The following PCDHA5 variants were observed in gnomAD, a reference collection of about 807,000 sequenced individuals.
PCDHA5 encodes protocadherin alpha 5.
A neutral mutation model predicts 61.6 loss-of-function variants in PCDHA5; 43 were observed. The ratio of observed to expected loss-of-function variants is 0.70; its 90% CI spans 0.55 to 0.90. PCDHA5 has a LOEUF of 0.90. PCDHA5 is among the 40% of genes least tolerant of loss of function. PCDHA5 has a pLI of 0.00. For synonymous variants in PCDHA5, 627 were observed against 543.9 expected, an observed-to-expected ratio of 1.15 and a Z score of -2.13; for missense variants, 1,298 against 1,222.7, an observed-to-expected ratio of 1.06 and a Z score of -0.92.
At position 141,010,354 on chromosome 5, in the gene PCDHA5, C is replaced by A. The variant is rs1359778786; in HGVS notation, c.*417C>A. On this transcript the variant is annotated 3_prime_UTR_variant, in exon 4 of 4. Coordinates refer to ENST00000529859, the MANE Select transcript of PCDHA5 (RefSeq NM_018908.3). ...GTTTGTGGCCACTGGGTATGTGTGG[C>A]TACCGCGGGTATGCGAGTGCCAGAT... The A allele has an allele frequency of 2.0e-6, 3 of 1,506,078 alleles. No homozygotes were observed. The highest frequency in any genetic ancestry group is 4.4e-5 in the Admixed American group (2 of 45,166). 93.3% of individuals were successfully genotyped at this position (1,506,078 alleles called of 1,614,324 possible).
intron 1 of PCDHA5, among the ~76,000 whole-genome samples, chr5:140,886,671 C>A (rs1411583056): frequency 6.6e-6 from 1 of 151,634 alleles, no homozygotes; most frequent in East Asian, 1.9e-4. Context: ...ACTAAAAATA[C>A]AAAAATTAGC....
At chr5:140,877,980 T>C in intron 1 of PCDHA5, 1 of 1,219,572 alleles carries the variant, frequency 8.2e-7, no homozygotes. Flanking sequence ...TTCTTACTCA[T>C]TTTGAACTTT....
At chr5:140,909,360 T>C (rs2074454382) in intron 1 of PCDHA5, among the ~76,000 whole-genome samples, 1 of 152,222 alleles carries the variant, frequency 6.6e-6, no homozygotes, top group South Asian at 2.1e-4. Flanking sequence ...ATGTGTTAAT[T>C]TGTTCAAGCA....
intron 1 of PCDHA5, among the ~76,000 whole-genome samples, chr5:140,923,323 C>T (rs1554201408): frequency 6.6e-6 from 1 of 152,092 alleles, no homozygotes; most frequent in Non-Finnish European, 1.5e-5. Context: ...CCTAGAAGTT[C>T]AAGGACAGTT....
chr5:140,868,810 G>A lies in PCDHA5; in HGVS notation c.2352+44683G>A, dbSNP rs944762063. On this transcript the variant is annotated intron_variant, in intron 1 of 3. Transcript: ENST00000529859. Reference sequence around the variant, plus strand: ...GAATATTCCATAAATAAGCACGTTGGAAATATTTGGGGGAAGAAACCCAAA... The same window carrying A: ...GAATATTCCATAAATAAGCACGTTGAAAATATTTGGGGGAAGAAACCCAAA... 1.0e-4 allele frequency: 38 copies of A among 369,934 alleles called. No homozygotes were observed. The Admixed American group carries it at 1.3e-3, about 12-fold the overall frequency. The allele number at this position is 369,934 out of a possible 1,614,324, so 22.9% of individuals were successfully genotyped here.
chr5:140,866,633 G>A (rs900221819), intron 1 of PCDHA5: 71 of 152,170 alleles, frequency 4.7e-4, no homozygotes, highest in African/African-American at 1.6e-3. Flanking sequence ...TTCTGACAAC[G>A]GTGTCAAAAT....
intron 3 of PCDHA5, among the ~76,000 whole-genome samples, chr5:141,001,011 A>G (rs912284389): frequency 3.9e-5 from 6 of 152,206 alleles, no homozygotes; most frequent in African/African-American, 1.4e-4. Context: ...ATGTATTTAG[A>G]TATACACTTA....
Position 141,009,469 on chromosome 5 carries a change from A to G in PCDHA5, c.2501-158A>G, listed in dbSNP as rs1440766583. On this transcript the variant is annotated intron_variant, in intron 3 of 3. Transcript: ENST00000529859. Reference sequence around the variant, plus strand: ...AAAAAAATTAAACAAATAAATAAATAAGTAAACACTTGCCTTGCCCTCAGA... The same window carrying G: ...AAAAAAATTAAACAAATAAATAAATGAGTAAACACTTGCCTTGCCCTCAGA... 6 of 956,242 alleles carry G rather than the reference A, an allele frequency of 6.3e-6. No homozygotes were observed. The African/African-American group carries it at 7.1e-5, about 11-fold the overall frequency. 59.2% of individuals were successfully genotyped at this position (956,242 alleles called of 1,614,324 possible). A position where few individuals can be genotyped will look rare whatever the true frequency, so the allele number is the denominator to read the frequency against.
At chr5:140,908,185 G>C (rs1399259532) in intron 1 of PCDHA5, among the ~76,000 whole-genome samples, 1 of 152,148 alleles carries the variant, frequency 6.6e-6, no homozygotes, top group East Asian at 1.9e-4. Flanking sequence ...TCCACTTTCA[G>C]GTGGTGGACA....
intron 2 of PCDHA5, among the ~76,000 whole-genome samples, chr5:140,981,521 C>T (rs894639773): frequency 1.3e-5 from 2 of 152,208 alleles, no homozygotes; most frequent in South Asian, 4.1e-4. Flanking sequence ...TTGCAGTGAG[C>T]TGAGATCGTG....
chr5:140,877,325 C>G lies in PCDHA5; in HGVS notation c.2352+53198C>G. 1.2e-6 allele frequency: 2 copies of G among 1,613,974 alleles called. No individual in the cohort carries two copies. Among genetic ancestry groups the G allele is most frequent in the Non-Finnish European group, 1.7e-6 (2 of 1,179,864 alleles). The stretch of plus-strand genomic sequence containing the variant: ...GAGTTGCAACCGGCGGCGGTCGGCG[C>G]GCACATCCCGTTCCACGTGGGGCTG... On this transcript the variant is annotated intron_variant, in intron 1 of 3. Transcript: ENST00000529859.
chr5:140,874,587 T>A (rs1221042797), intron 1 of PCDHA5, among the ~76,000 whole-genome samples: 1 of 152,256 alleles, frequency 6.6e-6, no homozygotes, highest in Admixed American at 6.5e-5. Flanking sequence ...TGCTTTGGGA[T>A]AGTGTGAAAT....
At chr5:140,852,956 C>G (rs2042556592) in intron 1 of PCDHA5, 1 of 438,466 alleles carries the variant, frequency 2.3e-6, no homozygotes, top group Non-Finnish European at 3.1e-6. Flanking sequence ...TTGGCTCACT[C>G]CAAGCTCCCC....
intron 1 of PCDHA5, among the ~76,000 whole-genome samples, chr5:140,925,028 T>C (rs2082253756): frequency 6.6e-6 from 1 of 151,580 alleles, no homozygotes; most frequent in Admixed American, 6.6e-5. Context: ...GGAGGATCGC[T>C]TGAGCCCAGA....
intron 1 of PCDHA5, among the ~76,000 whole-genome samples, chr5:140,925,197 A>G (rs1259349657): frequency 1.3e-5 from 2 of 152,310 alleles, no homozygotes; most frequent in East Asian, 3.9e-4. Context: ...CCCAGCTTCA[A>G]TAATTATCGA....
chr5:140,896,276 G>A (rs1368035002), intron 1 of PCDHA5, among the ~76,000 whole-genome samples: 1 of 152,176 alleles, frequency 6.6e-6, no homozygotes, highest in Non-Finnish European at 1.5e-5. Context: ...GGATTTGCTG[G>A]CTTGAATGGT....
chr5:141,001,089 C>G (rs972790418), intron 3 of PCDHA5, among the ~76,000 whole-genome samples: 2 of 152,042 alleles, frequency 1.3e-5, no homozygotes, highest in Admixed American at 1.3e-4. Flanking sequence ...ACCCCATAAA[C>G]TGTCTAATCC....
intron 1 of PCDHA5, chr5:140,841,899 A>G (rs1362176056): frequency 1.9e-6 from 3 of 1,613,740 alleles, no homozygotes; most frequent in Non-Finnish European, 2.5e-6. Context: ...AAACTGGTTG[A>G]GCTCGTATTA....
Position 140,823,664 on chromosome 5 carries a change from T to A in PCDHA5, c.1889T>A (p.Ile630Asn), listed in dbSNP as rs2150128054. Residue 630 changes from isoleucine to asparagine, a missense_variant, in exon 1 of 4, where the codon ATC (isoleucine) becomes AAC (asparagine). Coordinates refer to ENST00000529859, the MANE Select transcript of PCDHA5 (RefSeq NM_018908.3). ...PFRVGLYTGE[I>N]STTRSLDETE... ...CGCGTGGGGCTGTACACAGGCGAGA[T>A]CAGCACAACACGCTCTCTGGATGAG... 16 of 1,613,856 alleles carry A rather than the reference T, an allele frequency of 9.9e-6. No individual in the cohort carries two copies. Among genetic ancestry groups the A allele is most frequent in the Middle Eastern group, 3.3e-4 (2 of 6,084 alleles).
Sources: gnomAD v4.1 joint callset for allele counts (sites outside exome capture counted in the v4.1 genomes callset) on GRCh38, gnomAD v4.1.1 for gene constraint, MANE v1.5 for transcripts, NCBI Gene and HGNC (gene_info 2026-07-23, HGNC 2026-07-21) for gene names.